The following TRANK1 variants were observed in gnomAD, a reference collection of about 807,000 sequenced individuals.
TRANK1 encodes tetratricopeptide repeat and ankyrin repeat containing 1.
Under a neutral mutation model 266.0 loss-of-function variants are expected in TRANK1, and 198 were observed. The ratio of observed to expected loss-of-function variants is 0.74; its 90% CI spans 0.66 to 0.84. The LOEUF is 0.84. TRANK1 is among the 40% of genes least tolerant of loss of function. TRANK1 has a pLI of 0.00. For synonymous variants in TRANK1, 1,396 were observed against 1,384.1 expected (o/e 1.01, Z -0.19); for missense variants, 3,326 against 3,634.6 (o/e 0.92, Z 2.18).
intron 1 of TRANK1, among the ~76,000 whole-genome samples, chr3:36,943,695 A>G (rs1486553541): frequency 6.6e-6 from 1 of 151,732 alleles, no homozygotes; most frequent in Non-Finnish European, 1.5e-5. Context: ...GCCTTATATC[A>G]AAAAGGATCC....
chr3:36,864,220 T>C (rs1306015616), intron 10 of TRANK1, 99 bp downstream of exon 10: 1 of 1,289,114 alleles, frequency 7.8e-7, no homozygotes, highest in African/African-American at 1.5e-5. Context: ...AGATACATTA[T>C]TTTTATTTTT....
rs534979257 is a variant in TRANK1, at chr3:36,879,855, T to G, written c.908-5559A>C. ...GTAAATATACAAATATATGTAAATA[T>G]ACAAATATATGTAAACATACAAATA... On this transcript the variant is annotated intron_variant, in intron 8 of 23. Transcript: ENST00000645898. 4.5e-5 allele frequency among the ~76,000 whole-genome samples: 5 copies of G among 110,466 alleles called. 1 individual carries two copies. The highest frequency in any genetic ancestry group is 1.7e-4 in the African/African-American group (4 of 24,088). The allele number at this position is 110,466 out of a possible 152,430, so 72.5% of individuals were successfully genotyped here. A position where few individuals can be genotyped will look rare whatever the true frequency, so the allele number is the denominator to read the frequency against.
chr3:36,864,221 T>G, intron 10 of TRANK1, 98 bp downstream of exon 10: 1 of 1,298,246 alleles, frequency 7.7e-7, no homozygotes, highest in Non-Finnish European at 1.0e-6. Context: ...GATACATTAT[T>G]TTTATTTTTT....
Position 36,944,951 on chromosome 3 carries a change from G to A in TRANK1, c.-142C>T. On this transcript the variant is annotated 5_prime_UTR_variant, in exon 1 of 24. Transcript: ENST00000645898. Reference sequence around the variant, plus strand: ...CGGCGCGATGCAGAGGCGGCGTTCGGGGGCCCCCAGCTGCCTGCGGCTCGG... The same window carrying A: ...CGGCGCGATGCAGAGGCGGCGTTCGAGGGCCCCCAGCTGCCTGCGGCTCGG... 2 of 879,302 alleles carry A rather than the reference G, an allele frequency of 2.3e-6. No homozygotes were observed. Among genetic ancestry groups the A allele is most frequent in the Non-Finnish European group, 3.1e-6 (2 of 638,538 alleles). The allele number at this position is 879,302 out of a possible 1,614,324, so 54.5% of individuals were successfully genotyped here.
chr3:36,860,463 G>A (rs569704863), intron 11 of TRANK1, among the ~76,000 whole-genome samples: 2 of 152,256 alleles, frequency 1.3e-5, no homozygotes, highest in South Asian at 2.1e-4. Flanking sequence ...TTACTTGACC[G>A]TTTCTTTAAA....
intron 1 of TRANK1, among the ~76,000 whole-genome samples, chr3:36,927,643 T>C (rs2080306122): frequency 6.6e-6 from 1 of 152,220 alleles, no homozygotes; most frequent in South Asian, 2.1e-4. Context: ...CTTGGGAAAT[T>C]CTTTTCTCTG....
At chr3:36,862,261 G>A (rs555481331) in intron 10 of TRANK1, among the ~76,000 whole-genome samples, 13 of 152,100 alleles carry the variant, frequency 8.5e-5, no homozygotes, top group African/African-American at 2.9e-4. Context: ...AGAGCAGAAG[G>A]GGAGAAAAAT....
intron 17 of TRANK1, among the ~76,000 whole-genome samples, chr3:36,844,026 G>A (rs1559421549): frequency 6.6e-6 from 1 of 152,116 alleles, no homozygotes; most frequent in Non-Finnish European, 1.5e-5. Flanking sequence ...TCACCATACT[G>A]AATCCAAACA....
At chr3:36,881,402 T>C (rs2079529839) in intron 8 of TRANK1, among the ~76,000 whole-genome samples, 1 of 151,518 alleles carries the variant, frequency 6.6e-6, no homozygotes, top group Non-Finnish European at 1.5e-5. Flanking sequence ...TGAGCAGAGA[T>C]CGCACCACTG....
intron 15 of TRANK1, 53 bp downstream of exon 15, chr3:36,851,666 G>A: frequency 6.4e-7 from 1 of 1,565,746 alleles, no homozygotes; most frequent in South Asian, 1.2e-5. Context: ...CCAGAGGGAA[G>A]TTCAGCTCAT....
chr3:36,901,418 A>T (rs2079880815), intron 3 of TRANK1, among the ~76,000 whole-genome samples: 1 of 151,984 alleles, frequency 6.6e-6, no homozygotes, highest in African/African-American at 2.4e-5. Flanking sequence ...ACACCTTCCC[A>T]CAGTTTGCAG....
rs752257236 is a variant in TRANK1 at position 36,856,094 on chromosome 3, T to C, written c.3628A>G (p.Ile1210Val). The change falls in exon 13 of 24, where the codon ATT becomes GTT. Residue 1210 changes from isoleucine (I) to valine (V), a missense_variant. By Grantham distance (29) the Ile-to-Val change is conservative (BLOSUM62 3). Transcript: ENST00000645898. ...GCCTTGGTGGACTTGGAAAGCTCAA[T>C]GAAATTCCTTTGTACCTCCTGGCAC... ...VLCQEVQRNF[I>V]ELSKSTKATS... 15 of 1,613,806 alleles carry C rather than the reference T, an allele frequency of 9.3e-6. No homozygotes were observed. In the South Asian group the frequency reaches 1.4e-4, roughly 15 times the overall value.
intron 2 of TRANK1, 119 bp from the exon 3 acceptor site, chr3:36,903,394 C>A: frequency 5.5e-6 from 7 of 1,272,306 alleles, no homozygotes; most frequent in Non-Finnish European, 7.5e-6. Context: ...GGAAATGACT[C>A]ATTCATGCTT....
intron 2 of TRANK1, among the ~76,000 whole-genome samples, chr3:36,904,968 C>T (rs140128227): frequency 6.6e-6 from 1 of 151,980 alleles, no homozygotes; most frequent in Non-Finnish European, 1.5e-5. Flanking sequence ...ACTGAACTTC[C>T]CCCATCCCCA....
At chr3:36,862,170 T>C (rs2079151605) in intron 10 of TRANK1, among the ~76,000 whole-genome samples, 1 of 152,196 alleles carries the variant, frequency 6.6e-6, no homozygotes, top group Non-Finnish European at 1.5e-5. Context: ...AAAAAATTAT[T>C]CATTGCTTAT....
chr3:36,899,289 T>C, intron 3 of TRANK1, 30 bp from the exon 4 acceptor site: 2 of 1,533,548 alleles, frequency 1.3e-6, no homozygotes, highest in Non-Finnish European at 1.7e-6. Context: ...AAAACTGTCA[T>C]GTACCACATC....
At position 36,858,785 on chromosome 3, in the gene TRANK1, A is replaced by G; in HGVS notation, c.1605T>C (p.Arg535=). 3 of 1,537,244 alleles carry G rather than the reference A, an allele frequency of 2.0e-6. No individual in the cohort carries two copies. Among genetic ancestry groups the G allele is most frequent in the South Asian group, 2.4e-5 (2 of 84,048 alleles). The change falls in exon 12 of 24, where the codon CGT becomes CGC. Residue 535 remains arginine, a synonymous_variant. Coordinates refer to ENST00000645898, the MANE Select transcript of TRANK1 (RefSeq NM_001329998.2). ...FLLLTKGADP[R]AISLTEGDTP... The stretch of plus-strand genomic sequence containing the variant: ...TATCACCTTCCGTGAGAGAAATAGC[A>G]CGGGGGTCTGCGCCCTTGGTCAAGA...
chr3:36,877,825 G>A (rs904667543), intron 8 of TRANK1, among the ~76,000 whole-genome samples: 2 of 152,084 alleles, frequency 1.3e-5, no homozygotes, highest in Non-Finnish European at 2.9e-5. Flanking sequence ...ATTTTTTAAA[G>A]GAATACAAAA....
Position 36,858,873 on chromosome 3 carries a change from T to C in TRANK1, c.1517A>G (p.Glu506Gly). 1.3e-6 allele frequency: 2 copies of C among 1,536,444 alleles called. No homozygotes were observed. The highest frequency in any genetic ancestry group is 1.2e-5 in the South Asian group (1 of 83,942). ...CGTGACAACTGGCCTCTCCTGGCTC[T>C]CCTGAAGACCATCAGGCAAGGCTGG... Reference protein sequence around the residue: ...DSGALPDGLQESQERPVVTCL... With the variant: ...DSGALPDGLQGSQERPVVTCL... The change falls in exon 12 of 24, where the codon GAG (glutamate) becomes GGG (glycine). Residue 506 changes from glutamate to glycine, a missense_variant. Coordinates refer to ENST00000645898, the MANE Select transcript of TRANK1 (RefSeq NM_001329998.2).
Sources: allele counts gnomAD v4.1 joint callset (sites outside exome capture counted in the v4.1 genomes callset), GRCh38; gene constraint gnomAD v4.1.1; transcripts MANE v1.5; gene names NCBI Gene and HGNC (gene_info 2026-07-23, HGNC 2026-07-21).